SERINC1: variants seen among roughly 807,000 people sequenced by gnomAD.
The protein encoded by SERINC1 is tumor differentially expressed protein 2.
Under a neutral mutation model 52.9 loss-of-function variants are expected in SERINC1, and 38 were observed. The ratio of observed to expected loss-of-function variants is 0.72; its 90% CI spans 0.55 to 0.94. The LOEUF is 0.94. Among genes scored for constraint, SERINC1 ranks in the 40% least tolerant of loss-of-function variants. The probability of loss-of-function intolerance (pLI) is 0.00; values close to 1 mark genes in which losing one functional copy is unlikely to be tolerated. For synonymous variants in SERINC1, 198 were observed against 183.1 expected (o/e 1.08, Z -0.66); for missense variants, 471 against 533.9 (o/e 0.88, Z 1.16).
intron 1 of SERINC1, among the ~76,000 whole-genome samples, chr6:122,470,439 A>G (rs1775264624): frequency 6.6e-6 from 1 of 152,230 alleles, no homozygotes; most frequent in African/African-American, 2.4e-5. Context: ...ATTGAATTGC[A>G]TAACATCTTC....
At chr6:122,450,815 GA>G (rs1160906969) in intron 7 of SERINC1, among the ~76,000 whole-genome samples, 1 of 152,152 alleles carries the variant, frequency 6.6e-6, no homozygotes, top group Non-Finnish European at 1.5e-5. Context: ...CTAAAAAGTG[GA>G]ACCTGAAGAT....
In SERINC1 at chr6:122,445,756, G is replaced by A. The variant is rs61385259; in HGVS notation, c.1227-577C>T. Among the ~76,000 whole-genome samples the A allele has an allele frequency of 5.1e-4, 78 of 151,848 alleles. 1 individual carries two copies. The East Asian group carries it at 0.014, about 28-fold the overall frequency. ...ACTATTATGTGACAGCCAAGGATCT[G>A]AGTTAAGAACCAGCTGGTACTCGGG... On this transcript the variant is annotated intron_variant, in intron 9 of 9. Transcript: ENST00000339697.
At chr6:122,455,673 C>T (rs977013654) in intron 3 of SERINC1, among the ~76,000 whole-genome samples, 1 of 152,076 alleles carries the variant, frequency 6.6e-6, no homozygotes, top group African/African-American at 2.4e-5. Flanking sequence ...TCAGAAAAAA[C>T]AACAATTACA....
rs551513424 is a variant in SERINC1, at chr6:122,444,384, C to T, written c.*660G>A. The T allele has an allele frequency of 6.6e-6, 1 of 152,318 alleles. No homozygotes were observed. Among genetic ancestry groups the T allele is most frequent in the South Asian group, 2.1e-4 (1 of 4,834 alleles). 9.4% of individuals were successfully genotyped at this position (152,318 alleles called of 1,614,324 possible). A position where few individuals can be genotyped will look rare whatever the true frequency, so the allele number is the denominator to read the frequency against. The stretch of plus-strand genomic sequence containing the variant: ...AATCCTTCAGAGTTCCAAACATTTC[C>T]ACTGAACCCATACTTCATGAGTTTA... On this transcript the variant is annotated 3_prime_UTR_variant, in exon 10 of 10. Transcript: ENST00000339697.
At chr6:122,449,675 G>A (rs1774870232) in intron 7 of SERINC1, among the ~76,000 whole-genome samples, 1 of 152,208 alleles carries the variant, frequency 6.6e-6, no homozygotes, top group Non-Finnish European at 1.5e-5. Flanking sequence ...TGCTGATGCA[G>A]AAGCTACAGC....
At position 122,455,240 on chromosome 6, in the gene SERINC1, G is replaced by A. The variant is rs566958352; in HGVS notation, c.372-1010C>T. 1.1e-4 allele frequency among the ~76,000 whole-genome samples: 16 copies of A among 152,186 alleles called. No homozygotes were observed. In the South Asian group the frequency reaches 3.1e-3, roughly 30 times the overall value. The stretch of plus-strand genomic sequence containing the variant: ...GTTAATACTGAGTGTCAACTTGATT[G>A]GATTGAAGGGTGCAAAGTACTGATG... On this transcript the variant is annotated intron_variant, in intron 3 of 9. Transcript: ENST00000339697.
chr6:122,455,229 T>C (rs757726016), intron 3 of SERINC1, among the ~76,000 whole-genome samples: 2 of 152,150 alleles, frequency 1.3e-5, no homozygotes, highest in Non-Finnish European at 2.9e-5. Flanking sequence ...ATACTGAGTG[T>C]CAACTTGATT....
rs955045699 is a variant in SERINC1, at chr6:122,468,896, C to CA, written c.39+2802dup. On this transcript the variant is annotated intron_variant, in intron 1 of 9. Coordinates refer to ENST00000339697, the MANE Select transcript of SERINC1 (RefSeq NM_020755.4). ...GTATTGTATATAAGGCTCACCCATT[C>CA]AAAAAAAAAATCAATTCTGTCTACT... is the stretch of plus-strand genomic sequence containing the variant. Among the ~76,000 whole-genome samples the CA allele has an allele frequency of 1.6e-3, 240 of 148,504 alleles. 1 individual carries two copies. The highest frequency in any genetic ancestry group is 2.3e-3 in the African/African-American group (93 of 40,528).
At chr6:122,445,248 C>T in intron 9 of SERINC1, 69 bp from the exon 10 acceptor site, 1 of 1,475,772 alleles carries the variant, frequency 6.8e-7, no homozygotes, top group Non-Finnish European at 9.3e-7. Context: ...AGCTATGAAG[C>T]TTCATTAATT....
intron 1 of SERINC1, among the ~76,000 whole-genome samples, chr6:122,461,808 AAT>A: frequency 6.6e-6 from 1 of 152,280 alleles, no homozygotes; most frequent in East Asian, 1.9e-4. Flanking sequence ...CAAGAAAGAA[AAT>A]TATACCAGAG....
intron 1 of SERINC1, among the ~76,000 whole-genome samples, chr6:122,470,941 A>T (rs1775281530): frequency 6.6e-6 from 1 of 151,854 alleles, no homozygotes; most frequent in African/African-American, 2.4e-5. Context: ...CTATACTGAA[A>T]ATAGTTTTAC....
Position 122,443,619 on chromosome 6 carries a change from A to G in SERINC1, c.*1425T>C, listed in dbSNP as rs939194180. On this transcript the variant is annotated 3_prime_UTR_variant, in exon 10 of 10. Coordinates refer to ENST00000339697, the MANE Select transcript of SERINC1 (RefSeq NM_020755.4). Reference sequence around the variant, plus strand: ...TTTCAATTACATGGCAGTAAATACAAAAGCATTTTAAACATCTTTTGAACT... The same window carrying G: ...TTTCAATTACATGGCAGTAAATACAGAAGCATTTTAAACATCTTTTGAACT... 3 of 152,208 alleles carry G rather than the reference A, an allele frequency of 2.0e-5. No individual in the cohort carries two copies. The highest frequency in any genetic ancestry group is 4.4e-5 in the Non-Finnish European group (3 of 68,040). 9.4% of individuals were successfully genotyped at this position (152,208 alleles called of 1,614,324 possible).
At position 122,444,800 on chromosome 6, in the gene SERINC1, A is replaced by G. The variant is rs1211933387; in HGVS notation, c.*244T>C. 3 of 458,492 alleles carry G rather than the reference A, an allele frequency of 6.5e-6. No homozygotes were observed. Among genetic ancestry groups the G allele is most frequent in the Non-Finnish European group, 7.7e-6 (2 of 258,916 alleles). The allele number at this position is 458,492 out of a possible 1,614,324, so 28.4% of individuals were successfully genotyped here. A position where few individuals can be genotyped will look rare whatever the true frequency, so the allele number is the denominator to read the frequency against. ...AACTATAGAGCAGAGAATAAGCCCA[A>G]TAATGGCCACTTTTACTAACTCATC... On this transcript the variant is annotated 3_prime_UTR_variant, in exon 10 of 10. Transcript: ENST00000339697.
intron 2 of SERINC1, 81 bp downstream of exon 2, chr6:122,458,439 C>A (rs916168493): frequency 2.2e-6 from 2 of 919,366 alleles, no homozygotes; most frequent in African/African-American, 1.7e-5. Context: ...ATTCTGTTTA[C>A]AATATCCCCG....
intron 1 of SERINC1, among the ~76,000 whole-genome samples, chr6:122,460,134 T>G (rs900143766): frequency 3.9e-5 from 6 of 152,184 alleles, no homozygotes; most frequent in Non-Finnish European, 8.8e-5. Context: ...TGGTGCGATC[T>G]CAGCTCACTG....
Position 122,451,756 on chromosome 6 carries a change from T to TAAAAAAAAAAA in SERINC1, c.760-3_760-2insTTTTTTTTTTT. The TAAAAAAAAAAA allele has an allele frequency of 1.0e-5, 1 of 96,518 alleles. No individual in the cohort carries two copies. The highest frequency in any genetic ancestry group is 1.4e-5 in the Non-Finnish European group (1 of 71,356). 6.0% of individuals were successfully genotyped at this position (96,518 alleles called of 1,614,324 possible). On this transcript the variant is annotated splice_region_variant and splice_polypyrimidine_tract_variant and intron_variant, in intron 6 of 9. Coordinates refer to ENST00000339697, the MANE Select transcript of SERINC1 (RefSeq NM_020755.4). ...CAAACCAGATCTTGGTTGTGATTCC[T>TAAAAAAAAAAA]ACAAAAAAAAAAAAAAAAAAATATA...
intron 9 of SERINC1, among the ~76,000 whole-genome samples, chr6:122,446,014 AT>A (rs1271129615): frequency 3.3e-5 from 5 of 152,178 alleles, no homozygotes; most frequent in African/African-American, 1.2e-4. Context: ...ACAACAAAGA[AT>A]AATCTTTTTC....
intron 9 of SERINC1, 80 bp downstream of exon 9, chr6:122,446,694 T>C: frequency 2.2e-6 from 2 of 904,018 alleles, no homozygotes; most frequent in Non-Finnish European, 3.5e-6. Context: ...AAGTACTTCA[T>C]ATCACATCAT....
Position 122,446,831 on chromosome 6 carries a change from T to A in SERINC1, c.1169A>T (p.His390Leu). ...AAGTGAAGCCAGGAAAAGCATGAAG[T>A]GAAAGAAGGAATAACTGTAAGTGAC... ...DGVTYSYSFF[H>L]FMLFLASLYI... Residue 390 changes from histidine (H) to leucine (L), a missense_variant, in exon 9 of 10, where the codon CAC (histidine) becomes CTC (leucine). Physicochemically the swap from His to Leu is moderately conservative, Grantham distance 99. Coordinates refer to ENST00000339697, the MANE Select transcript of SERINC1 (RefSeq NM_020755.4). The A allele has an allele frequency of 6.2e-7, 1 of 1,614,096 alleles. No individual in the cohort carries two copies.
Sources: gnomAD v4.1 joint callset for allele counts (sites outside exome capture counted in the v4.1 genomes callset) on GRCh38, gnomAD v4.1.1 for gene constraint, MANE v1.5 for transcripts, NCBI Gene and HGNC (gene_info 2026-07-23, HGNC 2026-07-21) for gene names.